The following RPS6KA5 variants were observed in gnomAD, a reference collection of about 807,000 sequenced individuals.
RPS6KA5 encodes ribosomal protein S6 kinase A5.
Under a neutral mutation model 85.5 loss-of-function variants are expected in RPS6KA5, and 27 were observed. The ratio of observed to expected loss-of-function variants is 0.32; its 90% confidence interval spans 0.23 to 0.44. The LOEUF is 0.44. Ranked by LOEUF, RPS6KA5 falls within the 20% of genes least tolerant of loss-of-function variation. The pLI is 1.00. For missense variants in RPS6KA5, 811 were observed against 980.9 expected (o/e 0.83, Z 2.31); for synonymous variants, 334 against 348.2 (o/e 0.96, Z 0.46).
intron 1 of RPS6KA5, among the ~76,000 whole-genome samples, chr14:91,010,348 C>G (rs1053311584): frequency 6.6e-6 from 1 of 152,158 alleles, no homozygotes; most frequent in African/African-American, 2.4e-5. Flanking sequence ...TGGCTGGACT[C>G]TAACCATTCA....
intron 1 of RPS6KA5, among the ~76,000 whole-genome samples, chr14:91,046,684 T>A (rs2042888210): frequency 6.6e-6 from 1 of 152,184 alleles, no homozygotes; most frequent in Admixed American, 6.5e-5. Flanking sequence ...GAAAACCGCA[T>A]CGTACAAAGA....
intron 8 of RPS6KA5, among the ~76,000 whole-genome samples, chr14:90,903,832 C>T (rs1436885726): frequency 6.6e-6 from 1 of 152,060 alleles, no homozygotes; most frequent in African/African-American, 2.4e-5. Context: ...AAGTATTAAT[C>T]ATAAGAATAT....
chr14:91,033,997 T>C (rs1454533480), intron 1 of RPS6KA5, among the ~76,000 whole-genome samples: 1 of 152,176 alleles, frequency 6.6e-6, no homozygotes, highest in Non-Finnish European at 1.5e-5. Flanking sequence ...AAGGCTATGC[T>C]GTATGCAGCA....
intron 7 of RPS6KA5, among the ~76,000 whole-genome samples, chr14:90,919,779 C>T (rs868348806): frequency 2.0e-5 from 3 of 152,062 alleles, no homozygotes; most frequent in Non-Finnish European, 4.4e-5. Flanking sequence ...GATAATTTTA[C>T]GATATTTGTT....
At chr14:90,974,055 AAAAAT>A (rs1320566879) in intron 3 of RPS6KA5, among the ~76,000 whole-genome samples, 4 of 151,574 alleles carry the variant, frequency 2.6e-5, no homozygotes, top group African/African-American at 9.7e-5. Context: ...AAAAAAAAAA[AAAAAT>A]AGTGTCCAAA....
chr14:90,889,523 A>G (rs995614344), intron 14 of RPS6KA5, among the ~76,000 whole-genome samples: 1 of 152,108 alleles, frequency 6.6e-6, no homozygotes, highest in Non-Finnish European at 1.5e-5. Context: ...TGTTAAAGGA[A>G]AGTTGTGCAT....
intron 13 of RPS6KA5, chr14:90,894,087 G>A: frequency 1.0e-6 from 1 of 969,828 alleles, no homozygotes; most frequent in Non-Finnish European, 1.2e-6. Flanking sequence ...AAAATTATAT[G>A]TAAGAGATAT....
chr14:90,939,503 C>T (rs1485222041), intron 5 of RPS6KA5, among the ~76,000 whole-genome samples: 1 of 152,132 alleles, frequency 6.6e-6, no homozygotes, highest in Non-Finnish European at 1.5e-5. Context: ...CAAGACTAGG[C>T]AATTTACAAA....
chr14:91,038,305 A>G (rs188859116), intron 1 of RPS6KA5, among the ~76,000 whole-genome samples: 6 of 152,338 alleles, frequency 3.9e-5, no homozygotes, highest in South Asian at 2.1e-4. Context: ...GAATTATACA[A>G]TAAGAGACTT....
intron 14 of RPS6KA5, among the ~76,000 whole-genome samples, chr14:90,881,380 G>A (rs1376492183): frequency 6.6e-6 from 1 of 151,036 alleles, no homozygotes; most frequent in African/African-American, 2.4e-5. Context: ...CTGAACTCGG[G>A]AGGCAGAGGT....
At chr14:90,939,621 A>G (rs1398063869) in intron 5 of RPS6KA5, among the ~76,000 whole-genome samples, 2 of 152,220 alleles carry the variant, frequency 1.3e-5, no homozygotes, top group Non-Finnish European at 2.9e-5. Context: ...AGCAGGAGAC[A>G]AAGAGAGAGA....
rs1403703215 is a variant in RPS6KA5, at chr14:90,860,944, T to C, written c.*11130A>G. 2.7e-5 allele frequency: 4 copies of C among 148,362 alleles called. No individual in the cohort carries two copies. Among genetic ancestry groups the C allele is most frequent in the African/African-American group, 5.0e-5 (2 of 39,928 alleles). 9.2% of individuals were successfully genotyped at this position (148,362 alleles called of 1,614,324 possible). On this transcript the variant is annotated 3_prime_UTR_variant, in exon 17 of 17. Transcript: ENST00000614987. The stretch of plus-strand genomic sequence containing the variant: ...TTCGCTCTTGTTGCCCAATCTGGAG[T>C]GCAATGGTGCGACCTTGGCTCACTG...
At chr14:90,973,542 C>T (rs553617254) in intron 3 of RPS6KA5, among the ~76,000 whole-genome samples, 262 of 151,606 alleles carry the variant, frequency 1.7e-3, no homozygotes, top group African/African-American at 2.7e-3. Context: ...AAATGACATA[C>T]GTGCAAGTTA....
intron 4 of RPS6KA5, among the ~76,000 whole-genome samples, chr14:90,944,848 T>C (rs1432572760): frequency 4.7e-5 from 7 of 150,408 alleles, no homozygotes; most frequent in African/African-American, 1.7e-4. Flanking sequence ...GAGCTCAGGG[T>C]GTTTGGGGCC....
rs2032417589 is a variant in RPS6KA5, at chr14:90,859,098, C to T, written c.*12976G>A. ...TCAAGGTCACCGAGGTGAAGTGGCC[C>T]TGATAAACACCCTAGATTTTCAGAT... On this transcript the variant is annotated 3_prime_UTR_variant, in exon 17 of 17. Transcript: ENST00000614987. The T allele has an allele frequency of 6.6e-6, 1 of 152,178 alleles. No homozygotes were observed. The highest frequency in any genetic ancestry group is 2.4e-5 in the African/African-American group (1 of 41,416). The allele number at this position is 152,178 out of a possible 1,614,324, so 9.4% of individuals were successfully genotyped here.
chr14:90,858,663 A>T lies in RPS6KA5; in HGVS notation c.*13411T>A, dbSNP rs572863266. ...AGAACATCTTTTATAGGCAACAGGGAGCAAACCAATGCAGGGAGAACTTGA... is the reference window on the plus strand; with the variant it reads ...AGAACATCTTTTATAGGCAACAGGGTGCAAACCAATGCAGGGAGAACTTGA... On this transcript the variant is annotated 3_prime_UTR_variant, in exon 17 of 17. Transcript: ENST00000614987. 1 of 152,332 alleles carries T rather than the reference A, an allele frequency of 6.6e-6. No homozygotes were observed. The highest frequency in any genetic ancestry group is 2.1e-4 in the South Asian group (1 of 4,818). The allele number at this position is 152,332 out of a possible 1,614,324, so 9.4% of individuals were successfully genotyped here. A position where few individuals can be genotyped will look rare whatever the true frequency, so the allele number is the denominator to read the frequency against.
At chr14:90,974,900 T>C (rs2039495850) in intron 3 of RPS6KA5, among the ~76,000 whole-genome samples, 2 of 152,222 alleles carry the variant, frequency 1.3e-5, no homozygotes, top group Admixed American at 6.5e-5. Flanking sequence ...AAATAACTTG[T>C]ACAACTGGGT....
chr14:90,873,186 T>G (rs1227913653), intron 16 of RPS6KA5, among the ~76,000 whole-genome samples: 1 of 152,166 alleles, frequency 6.6e-6, no homozygotes, highest in Non-Finnish European at 1.5e-5. Flanking sequence ...TACCAAATAG[T>G]CTCAGTCTTT....
chr14:91,031,106 T>A (rs552357029), intron 1 of RPS6KA5, among the ~76,000 whole-genome samples: 1 of 152,042 alleles, frequency 6.6e-6, no homozygotes, highest in African/African-American at 2.4e-5. Context: ...AAAGAGAGGA[T>A]CCTAAAACCT....
Sources: allele counts gnomAD v4.1 joint callset (sites outside exome capture counted in the v4.1 genomes callset), GRCh38; gene constraint gnomAD v4.1.1; transcripts MANE v1.5; gene names NCBI Gene and HGNC (gene_info 2026-07-23, HGNC 2026-07-21).